Variants in PFKP observed in about 807,000 individuals in gnomAD.
PFKP encodes phosphofructokinase, platelet, also known as ATP-dependent 6-phosphofructokinase, platelet type.
PFKP carries 101 observed loss-of-function variants against 94.3 expected under a neutral mutation model. The observed-to-expected ratio is 1.07, with a 90% confidence interval of 0.91 to 1.26. PFKP has a LOEUF of 1.26. PFKP is among the 50% of genes most tolerant of loss of function. PFKP has a pLI of 0.00. For missense variants in PFKP, 1,145 were observed against 1,103.3 expected (o/e 1.04, Z -0.53); for synonymous variants, 573 against 432.6 (o/e 1.32, Z -4.03).
At chr10:3,074,844 C>G (rs1037663890) in intron 1 of PFKP, among the ~76,000 whole-genome samples, 1 of 152,142 alleles carries the variant, frequency 6.6e-6, no homozygotes, top group Non-Finnish European at 1.5e-5. Context: ...GTCGGGGAGA[C>G]CGTAACCCAG....
intron 8 of PFKP, among the ~76,000 whole-genome samples, chr10:3,107,606 G>A (rs1471435600): frequency 6.6e-6 from 1 of 152,216 alleles, no homozygotes. Flanking sequence ...GAATGTTCCG[G>A]CTCTTAAACA....
At chr10:3,119,327 C>T (rs944847093) in intron 15 of PFKP, among the ~76,000 whole-genome samples, 9 of 152,158 alleles carry the variant, frequency 5.9e-5, no homozygotes, top group African/African-American at 1.9e-4. Context: ...AAAAACTGGC[C>T]GGGCGCGGTG....
intron 10 of PFKP, among the ~76,000 whole-genome samples, chr10:3,110,355 C>A (rs976324656): frequency 6.8e-6 from 1 of 146,344 alleles, no homozygotes; most frequent in Non-Finnish European, 1.5e-5. Context: ...CCCACCACCA[C>A]GCCTGGCTAA....
At chr10:3,113,770 C>T (rs905224494) in intron 13 of PFKP, among the ~76,000 whole-genome samples, 2 of 151,994 alleles carry the variant, frequency 1.3e-5, no homozygotes, top group African/African-American at 4.8e-5. Context: ...GGCAGTGCCT[C>T]TGGGGTCTGA....
Position 3,082,426 on chromosome 10 carries a change from A to G in PFKP, c.151A>G (p.Ile51Val). ...AAVRAVVRMGIYVGAKVYFIY... is the reference protein window; with the variant it reads ...AAVRAVVRMGVYVGAKVYFIY... The stretch of plus-strand genomic sequence containing the variant: ...CGTCCGTGCCGTGGTGCGCATGGGT[A>G]TCTACGTGGGGGCCAAGGTGTACTT... The change falls in exon 2 of 22, where the codon ATC (isoleucine) becomes GTC (valine). Residue 51 changes from isoleucine to valine, a missense_variant. Coordinates refer to ENST00000381125, the MANE Select transcript of PFKP (RefSeq NM_002627.5). 6.2e-7 allele frequency: 1 copy of G among 1,607,692 alleles called. No homozygotes were observed. The highest frequency in any genetic ancestry group is 8.5e-7 in the Non-Finnish European group (1 of 1,175,966).
intron 16 of PFKP, among the ~76,000 whole-genome samples, chr10:3,126,022 C>G (rs942850088): frequency 1.1e-4 from 16 of 152,202 alleles, no homozygotes; most frequent in Non-Finnish European, 2.2e-4. Flanking sequence ...GCATCGCGTG[C>G]GGGGACAGCA....
chr10:3,123,825 T>G (rs1212237786), intron 16 of PFKP, among the ~76,000 whole-genome samples: 1 of 152,020 alleles, frequency 6.6e-6, no homozygotes, highest in Non-Finnish European at 1.5e-5. Flanking sequence ...AAAACTGCCA[T>G]GGCCAGAGCC....
chr10:3,076,485 C>T (rs1350538602), intron 1 of PFKP, among the ~76,000 whole-genome samples: 1 of 152,200 alleles, frequency 6.6e-6, no homozygotes, highest in Non-Finnish European at 1.5e-5. Context: ...ACGTCACTCT[C>T]AGGCAGGTCT....
At chr10:3,091,520 CACTT>C (rs1834037350) in intron 2 of PFKP, among the ~76,000 whole-genome samples, 1 of 152,184 alleles carries the variant, frequency 6.6e-6, no homozygotes, top group African/African-American at 2.4e-5. Context: ...AAATATGACT[CACTT>C]AAGATTCTTG....
chr10:3,110,531 A>G (rs1401380273), intron 10 of PFKP, among the ~76,000 whole-genome samples: 1 of 152,014 alleles, frequency 6.6e-6, no homozygotes, highest in Admixed American at 6.6e-5. Context: ...TTTATTTTTC[A>G]GAGTTCATTC....
intron 2 of PFKP, among the ~76,000 whole-genome samples, chr10:3,087,984 C>CTTTTTTTTTTTTTTTTTTTTTTTTTT (rs1224829610): frequency 1.0e-5 from 1 of 96,624 alleles, no homozygotes. Flanking sequence ...ATCTTTCATT[C>CTTTTTTTTTTTTTTTTTTTTTTTTTT]TTTTTTTTTT....
chr10:3,082,560 A>T, intron 2 of PFKP, 99 bp downstream of exon 2: 1 of 773,554 alleles, frequency 1.3e-6, no homozygotes, highest in Non-Finnish European at 2.0e-6. Context: ...CATGCTGAGC[A>T]CAGCCGAAGA....
intron 7 of PFKP, among the ~76,000 whole-genome samples, chr10:3,106,261 T>C (rs1376508554): frequency 9.3e-6 from 1 of 106,992 alleles, no homozygotes; most frequent in African/African-American, 3.7e-5. Context: ...TCCTTCCCCA[T>C]GGGAGGCAGA....
At chr10:3,119,652 T>C (rs1837198917) in intron 15 of PFKP, among the ~76,000 whole-genome samples, 1 of 152,200 alleles carries the variant, frequency 6.6e-6, no homozygotes, top group Non-Finnish European at 1.5e-5. Context: ...ATGAGACTCT[T>C]ACCCATGAGA....
At chr10:3,092,977 AG>A (rs969444664) in intron 2 of PFKP, among the ~76,000 whole-genome samples, 1 of 64,116 alleles carries the variant, frequency 1.6e-5, no homozygotes, top group Non-Finnish European at 3.1e-5. Context: ...GGATGGGGGT[AG>A]GGGGGTGGCC....
At position 3,109,447 on chromosome 10, in the gene PFKP, C is replaced by G. The variant is rs773809327; in HGVS notation, c.1056C>G (p.Ala352=). 6.2e-7 allele frequency: 1 copy of G among 1,606,836 alleles called. No homozygotes were observed. Among genetic ancestry groups the G allele is most frequent in the Non-Finnish European group, 8.5e-7 (1 of 1,179,820 alleles). ...ACVVSLNGNH[A]VRLPLMECVQ... is the part of the protein sequence containing the mutation. Reference sequence around the variant, plus strand: ...TCGTGTCACTGAACGGGAACCACGCCGTGCGCCTGCCGCTGATGGAGTGCG... The same window carrying G: ...TCGTGTCACTGAACGGGAACCACGCGGTGCGCCTGCCGCTGATGGAGTGCG... Residue 352 remains alanine, a synonymous_variant, in exon 10 of 22, where the codon GCC becomes GCG. Transcript: ENST00000381125.
intron 1 of PFKP, among the ~76,000 whole-genome samples, chr10:3,077,262 T>TTTTC (rs1491344271): frequency 0.059 from 1,790 of 30,382 alleles, 26 homozygotes; most frequent in Non-Finnish European, 0.09. Context: ...TTTTTTTTTC[T>TTTTC]TTTTTTTTTT....
intron 21 of PFKP, among the ~76,000 whole-genome samples, chr10:3,136,157 A>C (rs183297892): frequency 1.3e-5 from 2 of 152,166 alleles, no homozygotes; most frequent in Non-Finnish European, 2.9e-5. Context: ...CCAGCTACTC[A>C]GGAGGCTGAG....
At chr10:3,081,641 C>G (rs560346751) in intron 1 of PFKP, among the ~76,000 whole-genome samples, 3 of 152,296 alleles carry the variant, frequency 2.0e-5, no homozygotes, top group Admixed American at 6.5e-5. Context: ...GAGGTGGTTC[C>G]GAGACACTAG....
Sources: gnomAD v4.1 joint callset for allele counts (sites outside exome capture counted in the v4.1 genomes callset) on GRCh38, gnomAD v4.1.1 for gene constraint, MANE v1.5 for transcripts, NCBI Gene and HGNC (gene_info 2026-07-23, HGNC 2026-07-21) for gene names.